The following CDH12 variants were observed in gnomAD, a reference collection of about 807,000 sequenced individuals.
CDH12 encodes cadherin 12.
Under a neutral mutation model 74.1 loss-of-function variants are expected in CDH12, and 41 were observed. The observed-to-expected ratio is 0.55, with a 90% CI of 0.43 to 0.72. CDH12 has a LOEUF of 0.72. Among genes scored for constraint, CDH12 ranks in the 30% least tolerant of loss-of-function variants. The pLI, the probability that CDH12 is intolerant of heterozygous loss-of-function variation, is 0.00. For synonymous variants in CDH12, 399 were observed against 355.0 expected (o/e 1.12, Z -1.39); for missense variants, 945 against 977.2 (o/e 0.97, Z 0.44).
At chr5:22,817,459 T>A (rs1307687550) in intron 1 of CDH12, among the ~76,000 whole-genome samples, 1 of 152,124 alleles carries the variant, frequency 6.6e-6, no homozygotes, top group Non-Finnish European at 1.5e-5. Context: ...CATCTGTTGA[T>A]TATAAAAATA....
intron 3 of CDH12, among the ~76,000 whole-genome samples, chr5:22,271,792 C>A (rs1434387894): frequency 6.7e-6 from 1 of 150,200 alleles, no homozygotes; most frequent in Non-Finnish European, 1.5e-5. Context: ...TGAAATAAAT[C>A]TTTTTTTTTT....
intron 4 of CDH12, among the ~76,000 whole-genome samples, chr5:22,177,489 A>G (rs1198777907): frequency 6.6e-6 from 1 of 152,204 alleles, no homozygotes; most frequent in Non-Finnish European, 1.5e-5. Context: ...AAAAAATTTC[A>G]CAAATTCTTT....
chr5:22,439,231 C>T (rs555541356), intron 2 of CDH12, among the ~76,000 whole-genome samples: 1 of 151,972 alleles, frequency 6.6e-6, no homozygotes, highest in African/African-American at 2.4e-5. Flanking sequence ...GACATTTGGA[C>T]AGTAGCAAGT....
intron 3 of CDH12, among the ~76,000 whole-genome samples, chr5:22,308,629 ACTC>A (rs1169208087): frequency 2.6e-5 from 4 of 151,666 alleles, no homozygotes; most frequent in African/African-American, 4.8e-5. Context: ...TGAATTTTGA[ACTC>A]CTCCTTGGAT....
chr5:22,565,399 C>T (rs1460900328), intron 1 of CDH12, among the ~76,000 whole-genome samples: 2 of 152,160 alleles, frequency 1.3e-5, no homozygotes, highest in African/African-American at 4.8e-5. Flanking sequence ...CTATAGCAGA[C>T]ATTTTCAACA....
rs577774352 is a variant in CDH12, at chr5:22,732,956, T to G, written c.-523+120102A>C. On this transcript the variant is annotated intron_variant, in intron 1 of 14. Coordinates refer to ENST00000382254, the MANE Select transcript of CDH12 (RefSeq NM_004061.5). ...ACAGTCTTTCAACACTGATAAAAAT[T>G]TAAAAACTAGTTTTATTTTTTATAA... 8.8e-4 allele frequency among the ~76,000 whole-genome samples: 134 copies of G among 152,004 alleles called. 1 individual carries two copies. Among genetic ancestry groups the G allele is most frequent in the African/African-American group, 2.6e-3 (108 of 41,526 alleles).
chr5:21,842,516 T>C (rs1415597113), intron 7 of CDH12, among the ~76,000 whole-genome samples, 188 bp from the exon 8 acceptor site: 1 of 152,112 alleles, frequency 6.6e-6, no homozygotes, highest in Admixed American at 6.6e-5. Context: ...TAAAATATTA[T>C]AGTAGCTACA....
chr5:21,873,099 G>T (rs1751733145), intron 6 of CDH12, among the ~76,000 whole-genome samples: 1 of 152,078 alleles, frequency 6.6e-6, no homozygotes, highest in Non-Finnish European at 1.5e-5. Flanking sequence ...TCTTGTGCAA[G>T]TTATTTCAAT....
At chr5:21,770,713 C>T (rs754330296) in intron 11 of CDH12, among the ~76,000 whole-genome samples, 2 of 152,006 alleles carry the variant, frequency 1.3e-5, no homozygotes, top group Non-Finnish European at 2.9e-5. Context: ...TTATTGGGTG[C>T]ATAGCCAATA....
intron 1 of CDH12, among the ~76,000 whole-genome samples, chr5:22,608,666 A>G (rs140295966): frequency 2.0e-5 from 3 of 152,158 alleles, no homozygotes; most frequent in African/African-American, 7.2e-5. Context: ...AATTGTAACA[A>G]TTCCCATGTG....
chr5:22,537,980 C>T (rs538728599), intron 1 of CDH12, among the ~76,000 whole-genome samples: 19 of 152,254 alleles, frequency 1.2e-4, no homozygotes, highest in African/African-American at 4.6e-4. Flanking sequence ...TTGTTGTGGG[C>T]AACCTTATAT....
At chr5:21,891,560 T>TACACAC (rs1305461373) in intron 6 of CDH12, among the ~76,000 whole-genome samples, 2 of 68,892 alleles carry the variant, frequency 2.9e-5, no homozygotes, top group Non-Finnish European at 7.7e-5. Flanking sequence ...TTCCTGTGAA[T>TACACAC]ACACACACAC....
chr5:22,326,868 G>A (rs1161718249), intron 3 of CDH12, among the ~76,000 whole-genome samples: 1 of 152,080 alleles, frequency 6.6e-6, no homozygotes, highest in East Asian at 1.9e-4. Flanking sequence ...ACTTATTCCA[G>A]CTATATATAT....
At chr5:22,125,160 G>A (rs1470341643) in intron 4 of CDH12, among the ~76,000 whole-genome samples, 5 of 151,882 alleles carry the variant, frequency 3.3e-5, no homozygotes, top group Non-Finnish European at 7.4e-5. Flanking sequence ...TGTCACATAG[G>A]TATACATGTA....
At chr5:22,178,483 T>G (rs1749459121) in intron 4 of CDH12, among the ~76,000 whole-genome samples, 1 of 152,190 alleles carries the variant, frequency 6.6e-6, no homozygotes, top group South Asian at 2.1e-4. Flanking sequence ...AATGAACATC[T>G]CTTTATGCAA....
At chr5:22,173,436 A>T (rs1019064728) in intron 4 of CDH12, among the ~76,000 whole-genome samples, 1 of 148,346 alleles carries the variant, frequency 6.7e-6, no homozygotes, top group African/African-American at 2.4e-5. Context: ...ATTAATAAAT[A>T]TTTCAAATGC....
intron 1 of CDH12, among the ~76,000 whole-genome samples, chr5:22,705,130 TACACACAC>T (rs1554060406): frequency 8.0e-6 from 1 of 125,544 alleles, no homozygotes; most frequent in African/African-American, 3.1e-5. Context: ...TATATATATA[TACACACAC>T]ACACACACAC....
At chr5:21,829,054 G>A (rs1748855274) in intron 8 of CDH12, among the ~76,000 whole-genome samples, 1 of 151,928 alleles carries the variant, frequency 6.6e-6, no homozygotes, top group Non-Finnish European at 1.5e-5. Context: ...CCAGCATTTT[G>A]GGAGGCCGAG....
intron 5 of CDH12, among the ~76,000 whole-genome samples, chr5:22,028,079 A>G (rs1223541763): frequency 6.6e-6 from 1 of 152,126 alleles, no homozygotes; most frequent in African/African-American, 2.4e-5. Context: ...TGTACCCAGT[A>G]GTCATTCAGG....
Sources: allele counts gnomAD v4.1 joint callset (sites outside exome capture counted in the v4.1 genomes callset), GRCh38; gene constraint gnomAD v4.1.1; transcripts MANE v1.5; gene names NCBI Gene and HGNC (gene_info 2026-07-23, HGNC 2026-07-21).